Variants in KHDRBS2 observed in about 807,000 individuals in gnomAD.
The protein encoded by KHDRBS2 is KH domain-containing, RNA-binding, signal transduction-associated protein 2.
Under a neutral mutation model 44.3 loss-of-function variants are expected in KHDRBS2, and 26 were observed. The ratio of observed to expected loss-of-function variants is 0.59; its 90% confidence interval spans 0.43 to 0.81. The LOEUF (loss-of-function observed/expected upper bound fraction) is 0.81. KHDRBS2 is among the 40% of genes least tolerant of loss of function. The pLI is 0.00. For synonymous variants in KHDRBS2, 194 were observed against 151.1 expected (o/e 1.28, Z -2.08); for missense variants, 476 against 433.1 (o/e 1.10, Z -0.88).
chr6:62,262,783 T>C (rs987186134), intron 1 of KHDRBS2, among the ~76,000 whole-genome samples: 5 of 151,744 alleles, frequency 3.3e-5, no homozygotes, highest in African/African-American at 4.8e-5. Context: ...ATATGTTTAA[T>C]ACATGAAAGT....
At chr6:61,869,534 G>C (rs1338948882) in intron 6 of KHDRBS2, among the ~76,000 whole-genome samples, 1 of 152,172 alleles carries the variant, frequency 6.6e-6, no homozygotes, top group African/African-American at 2.4e-5. Flanking sequence ...CAAGCAAGAA[G>C]ACATGATGAA....
chr6:61,641,422 C>T, the KHDRBS2 span, among the ~76,000 whole-genome samples: 1 of 152,142 alleles, frequency 6.6e-6, no homozygotes, highest in Non-Finnish European at 1.5e-5. Flanking sequence ...ACCAACTGAA[C>T]TAATTGCAGG....
At chr6:61,877,869 G>A (rs1384777355) in intron 6 of KHDRBS2, among the ~76,000 whole-genome samples, 1 of 151,688 alleles carries the variant, frequency 6.6e-6, no homozygotes, top group Non-Finnish European at 1.5e-5. Flanking sequence ...TAAAAATCTT[G>A]TGAAGATTGT....
intron 3 of KHDRBS2, among the ~76,000 whole-genome samples, chr6:61,999,163 A>T (rs1245452414): frequency 6.6e-6 from 1 of 152,092 alleles, no homozygotes; most frequent in Non-Finnish European, 1.5e-5. Flanking sequence ...GACCTAACAA[A>T]TGACCTGACT....
intron 6 of KHDRBS2, among the ~76,000 whole-genome samples, chr6:61,880,462 T>G (rs1461322015): frequency 1.3e-5 from 2 of 151,952 alleles, no homozygotes; most frequent in Non-Finnish European, 2.9e-5. Flanking sequence ...GTATATTTTA[T>G]GTAAAAGAAA....
At chr6:61,599,924 C>T in the KHDRBS2 span, among the ~76,000 whole-genome samples, 1 of 152,064 alleles carries the variant, frequency 6.6e-6, no homozygotes, top group South Asian at 2.1e-4. Flanking sequence ...GAGAATGACT[C>T]TACGACAAAT....
chr6:61,587,147 C>T, the KHDRBS2 span, among the ~76,000 whole-genome samples: 1 of 152,152 alleles, frequency 6.6e-6, no homozygotes, highest in Non-Finnish European at 1.5e-5. Flanking sequence ...TAGCAAGCCT[C>T]CTAATGAGGA....
chr6:62,266,702 A>AGCC (rs1327265358), intron 1 of KHDRBS2, among the ~76,000 whole-genome samples: 1 of 151,990 alleles, frequency 6.6e-6, no homozygotes, highest in African/African-American at 2.4e-5. Context: ...GCCTAACTTC[A>AGCC]GCCAAAATGA....
chr6:61,719,515 A>G (rs1772006209), intron 7 of KHDRBS2, among the ~76,000 whole-genome samples: 1 of 152,156 alleles, frequency 6.6e-6, no homozygotes, highest in Non-Finnish European at 1.5e-5. Flanking sequence ...GTTTGGTCCA[A>G]TTAAAGGTGT....
the KHDRBS2 span, among the ~76,000 whole-genome samples, chr6:61,582,424 C>A: frequency 6.6e-6 from 1 of 151,446 alleles, no homozygotes; most frequent in Admixed American, 6.6e-5. Flanking sequence ...TAAATTTAAT[C>A]AGAATAAAGT....
At chr6:62,272,185 C>T (rs1840199913) in intron 1 of KHDRBS2, among the ~76,000 whole-genome samples, 1 of 152,124 alleles carries the variant, frequency 6.6e-6, no homozygotes, top group Non-Finnish European at 1.5e-5. Context: ...GCTTTGTAGC[C>T]TAGGAACAAT....
downstream of KHDRBS2, among the ~76,000 whole-genome samples, chr6:61,675,689 AT>A (rs1765892372): frequency 1.3e-5 from 2 of 151,860 alleles, no homozygotes; most frequent in African/African-American, 4.8e-5. Context: ...GAGTTCAGTA[AT>A]ACTTTTTGTT....
chr6:61,745,721 A>G (rs184084694), intron 6 of KHDRBS2, among the ~76,000 whole-genome samples: 442 of 152,308 alleles, frequency 2.9e-3, no homozygotes, highest in Admixed American at 5.6e-3. Context: ...CTATATTTCT[A>G]ATCATAGAAA....
intron 4 of KHDRBS2, among the ~76,000 whole-genome samples, chr6:61,960,636 G>A (rs1160792807): frequency 6.6e-6 from 1 of 152,090 alleles, no homozygotes; most frequent in African/African-American, 2.4e-5. Context: ...TCAACAAAAA[G>A]CAGAATGCCT....
At chr6:61,779,870 C>T (rs571641281) in intron 6 of KHDRBS2, among the ~76,000 whole-genome samples, 52 of 152,016 alleles carry the variant, frequency 3.4e-4, no homozygotes, top group African/African-American at 1.1e-3. Context: ...AGCTGGCAAT[C>T]AAATTCAAGT....
intron 3 of KHDRBS2, among the ~76,000 whole-genome samples, chr6:62,025,406 A>T (rs1783107655): frequency 6.6e-6 from 1 of 151,808 alleles, no homozygotes; most frequent in Non-Finnish European, 1.5e-5. Flanking sequence ...CTCTGAAAGA[A>T]ATATCTTATT....
intron 4 of KHDRBS2, among the ~76,000 whole-genome samples, chr6:61,941,882 G>C (rs554786692): frequency 1.3e-5 from 2 of 152,012 alleles, no homozygotes; most frequent in Non-Finnish European, 2.9e-5. Context: ...CACCTCCAAC[G>C]AACATAATAA....
At chr6:61,876,373 C>G (rs1461951421) in intron 6 of KHDRBS2, among the ~76,000 whole-genome samples, 2 of 152,010 alleles carry the variant, frequency 1.3e-5, no homozygotes, top group Non-Finnish European at 2.9e-5. Flanking sequence ...ATTTATCTGA[C>G]AGTAGCTTAC....
At chr6:62,176,039 A>G (rs1821022791) in intron 2 of KHDRBS2, among the ~76,000 whole-genome samples, 1 of 151,450 alleles carries the variant, frequency 6.6e-6, no homozygotes, top group Non-Finnish European at 1.5e-5. Flanking sequence ...AGAAACTTCT[A>G]TTCAAGACTG....
Sources: allele counts gnomAD v4.1 joint callset (sites outside exome capture counted in the v4.1 genomes callset), GRCh38; gene constraint gnomAD v4.1.1; transcripts MANE v1.5; gene names NCBI Gene and HGNC (gene_info 2026-07-23, HGNC 2026-07-21).